The following CALN1 variants were observed in gnomAD, a reference collection of about 807,000 sequenced individuals.
The protein encoded by CALN1 is calneuron 1, also known as calcium-binding protein 8.
In CALN1, 17 loss-of-function variants were observed where a neutral mutation model predicts 30.6. That is an observed-to-expected ratio of 0.56 (90% CI 0.38 to 0.83). CALN1 has a LOEUF of 0.83. Among genes scored for constraint, CALN1 ranks in the 40% least tolerant of loss-of-function variants. The pLI is 0.00. For synonymous variants in CALN1, 156 were observed against 131.4 expected (o/e 1.19, Z -1.28); for missense variants, 291 against 354.9 (o/e 0.82, Z 1.45).
intron 6 of CALN1, among the ~76,000 whole-genome samples, chr7:71,796,485 G>C (rs577109931): frequency 3.1e-4 from 47 of 150,250 alleles, no homozygotes; most frequent in Admixed American, 1.7e-3. Flanking sequence ...TCAGCCTCCC[G>C]AGTAGCTAAG....
At chr7:72,144,492 C>A (rs1423651151) in intron 3 of CALN1, among the ~76,000 whole-genome samples, 2 of 152,142 alleles carry the variant, frequency 1.3e-5, no homozygotes, top group African/African-American at 4.8e-5. Flanking sequence ...TAGAGACCTA[C>A]AAAGAGATTA....
At chr7:72,239,151 AT>A (rs1398466280) in intron 3 of CALN1, among the ~76,000 whole-genome samples, 1 of 152,114 alleles carries the variant, frequency 6.6e-6, no homozygotes, top group African/African-American at 2.4e-5. Flanking sequence ...AATCCCAACA[AT>A]TTGGGAGGCC....
At chr7:72,269,642 A>G (rs983853186) in intron 3 of CALN1, among the ~76,000 whole-genome samples, 1 of 152,188 alleles carries the variant, frequency 6.6e-6, no homozygotes, top group African/African-American at 2.4e-5. Context: ...CCCCCAACAG[A>G]GCGTAAAAAC....
intron 3 of CALN1, among the ~76,000 whole-genome samples, chr7:72,217,362 G>A (rs1321173877): frequency 6.6e-6 from 1 of 152,112 alleles, no homozygotes; most frequent in Non-Finnish European, 1.5e-5. Context: ...TTGCCTCTTG[G>A]AGTATGACTA....
At chr7:72,024,303 C>T (rs756031525) in intron 4 of CALN1, among the ~76,000 whole-genome samples, 4 of 152,182 alleles carry the variant, frequency 2.6e-5, no homozygotes, top group Admixed American at 6.5e-5. Context: ...ATGAGTAGCA[C>T]GGCTTTTACA....
intron 2 of CALN1, among the ~76,000 whole-genome samples, chr7:72,384,422 G>T (rs1301550536): frequency 6.6e-6 from 1 of 152,156 alleles, no homozygotes; most frequent in Non-Finnish European, 1.5e-5. Context: ...AAGAGAGGAA[G>T]AAAATGAACC....
intron 2 of CALN1, among the ~76,000 whole-genome samples, chr7:72,289,951 G>C (rs1361506619): frequency 6.6e-6 from 1 of 151,596 alleles, no homozygotes; most frequent in East Asian, 1.9e-4. Context: ...AGTGGTATGT[G>C]CCTGTAGTCT....
chr7:72,278,030 C>A (rs578042695), intron 3 of CALN1, among the ~76,000 whole-genome samples: 2 of 120,628 alleles, frequency 1.7e-5, no homozygotes, highest in Non-Finnish European at 3.7e-5. Flanking sequence ...ACTTGTTTTT[C>A]CTATTTTTAA....
intron 3 of CALN1, among the ~76,000 whole-genome samples, chr7:72,221,040 T>C (rs1424006833): frequency 2.0e-5 from 3 of 152,230 alleles, no homozygotes; most frequent in Non-Finnish European, 4.4e-5. Flanking sequence ...AGAAGCTCTT[T>C]AGTTCAATTA....
chr7:72,482,360 T>C, the CALN1 span, among the ~76,000 whole-genome samples: 2 of 152,202 alleles, frequency 1.3e-5, no homozygotes, highest in African/African-American at 4.8e-5. Flanking sequence ...TTCTGTTTAG[T>C]GTAGTTACGA....
chr7:72,269,360 GC>G (rs200674768), intron 3 of CALN1, among the ~76,000 whole-genome samples: 2,187 of 151,212 alleles, frequency 0.014, 29 homozygotes, highest in Non-Finnish European at 0.019. Flanking sequence ...CCTCCCCCCT[GC>G]CCCCACTCCA....
At chr7:71,851,224 C>T (rs1412934350) in intron 5 of CALN1, among the ~76,000 whole-genome samples, 1 of 150,356 alleles carries the variant, frequency 6.7e-6, no homozygotes, top group East Asian at 2.0e-4. Flanking sequence ...CACACACACA[C>T]ACACACACAC....
At chr7:72,089,023 G>A (rs1805674482) in intron 4 of CALN1, among the ~76,000 whole-genome samples, 1 of 152,120 alleles carries the variant, frequency 6.6e-6, no homozygotes, top group Non-Finnish European at 1.5e-5. Flanking sequence ...AAGTATAGCT[G>A]AGAGTAAGCA....
At chr7:72,377,436 C>CGTGT (rs138060244) in intron 2 of CALN1, among the ~76,000 whole-genome samples, 15,864 of 142,284 alleles carry the variant, frequency 0.11, 953 homozygotes, top group East Asian at 0.19. Context: ...GCCACACTTT[C>CGTGT]GTGTGTGTGT....
intron 3 of CALN1, among the ~76,000 whole-genome samples, chr7:72,107,354 A>C (rs981254093): frequency 2.0e-5 from 3 of 152,212 alleles, no homozygotes; most frequent in Admixed American, 2.0e-4. Flanking sequence ...TCATTCTCCT[A>C]ATTTACAGGT....
chr7:72,382,059 T>G (rs1804935442), intron 2 of CALN1, among the ~76,000 whole-genome samples: 1 of 152,002 alleles, frequency 6.6e-6, no homozygotes, highest in Non-Finnish European at 1.5e-5. Context: ...AATTTATGGG[T>G]GGAGGGGATA....
chr7:72,159,602 C>T (rs529035584), intron 3 of CALN1, among the ~76,000 whole-genome samples: 9 of 152,014 alleles, frequency 5.9e-5, no homozygotes, highest in South Asian at 2.1e-4. Flanking sequence ...GTTTGAGACC[C>T]GCCTGGCCAA....
At chr7:71,957,957 TG>T (rs1160523580) in intron 5 of CALN1, among the ~76,000 whole-genome samples, 2 of 149,122 alleles carry the variant, frequency 1.3e-5, no homozygotes, top group African/African-American at 5.0e-5. Flanking sequence ...CCCAGCTACT[TG>T]GGAGGCTGAG....
At chr7:72,424,102 C>A (rs1167931660) in intron 1 of CALN1, among the ~76,000 whole-genome samples, 1 of 151,988 alleles carries the variant, frequency 6.6e-6, no homozygotes, top group African/African-American at 2.4e-5. Flanking sequence ...GGGTTAGGGA[C>A]CCAGGCTTCC....
Sources: gnomAD v4.1 joint callset for allele counts (sites outside exome capture counted in the v4.1 genomes callset) on GRCh38, gnomAD v4.1.1 for gene constraint, MANE v1.5 for transcripts, NCBI Gene and HGNC (gene_info 2026-07-23, HGNC 2026-07-21) for gene names.